WDR44: variants seen among roughly 807,000 people sequenced by gnomAD.
The protein encoded by WDR44 is WD repeat-containing protein 44.
A neutral mutation model predicts 65.7 loss-of-function variants in WDR44; 9 were observed. That is an observed-to-expected ratio of 0.14 (90% CI 0.08 to 0.24). The LOEUF is 0.24. WDR44 is among the 10% of genes least tolerant of loss of function. The pLI, the probability that WDR44 is intolerant of heterozygous loss-of-function variation, is 1.00. For missense variants in WDR44, 425 were observed against 670.9 expected, an observed-to-expected ratio of 0.63 and a Z score of 4.05; for synonymous variants, 220 against 235.2, an observed-to-expected ratio of 0.94 and a Z score of 0.59.
Position 118,360,134 on chromosome X carries a change from TG to T in WDR44, c.77+13556del, listed in dbSNP as rs1382078245. ...TAAAATAGGACTGTGAGAATGAGAG[TG>T]GTACTGTTACAAATTATTTAGGTTT... is the stretch of plus-strand genomic sequence containing the variant. On this transcript the variant is annotated intron_variant, in intron 1 of 19. Transcript: ENST00000254029. Among the ~76,000 whole-genome samples the T allele has an allele frequency of 2.7e-5, 3 of 111,718 alleles. No individual in the cohort carries two copies. In the Admixed American group the frequency reaches 2.9e-4, roughly 11 times the overall value.
chrX:118,389,042 A>G (rs1007223341), intron 3 of WDR44, among the ~76,000 whole-genome samples: 1 of 112,069 alleles, frequency 8.9e-6, no homozygotes, highest in Non-Finnish European at 1.9e-5. Flanking sequence ...ATAACTATCT[A>G]TAGTTAGTGG....
intron 19 of WDR44, among the ~76,000 whole-genome samples, chrX:118,447,564 G>A (rs2057356214): frequency 9.0e-6 from 1 of 110,696 alleles, no homozygotes; most frequent in Non-Finnish European, 1.9e-5. Context: ...TGATAACCTA[G>A]TTTATAGAGT....
chrX:118,443,717 A>G (rs1382213353), intron 18 of WDR44, 30 bp downstream of exon 18: 2 of 1,174,765 alleles, frequency 1.7e-6, no homozygotes, highest in East Asian at 3.0e-5. Context: ...TGTGTGTCTT[A>G]TAAGAGAATC....
intron 1 of WDR44, among the ~76,000 whole-genome samples, chrX:118,358,021 A>T (rs975626275): frequency 2.7e-5 from 3 of 111,838 alleles, no homozygotes; most frequent in Non-Finnish European, 5.6e-5. Context: ...AAGATACAAA[A>T]AATTAGCTGG....
rs182959248 is a variant in WDR44, at chrX:118,362,553, A to C, written c.78-15866A>C. ...TGCTGAGCATTTTTGATAAATGTAC[A>C]TAATACCATACATGTAGTATTTGCA... On this transcript the variant is annotated intron_variant, in intron 1 of 19. Transcript: ENST00000254029. Among the ~76,000 whole-genome samples, 318 of 111,657 alleles carry C rather than the reference A, an allele frequency of 2.8e-3. 2 individuals are homozygous for C. The highest frequency in any genetic ancestry group is 0.01 in the African/African-American group (308 of 30,700).
At chrX:118,434,921 C>A (rs1050803435) in intron 13 of WDR44, among the ~76,000 whole-genome samples, 3 of 111,344 alleles carry the variant, frequency 2.7e-5, no homozygotes, top group Non-Finnish European at 5.6e-5. Flanking sequence ...ATAACAACCC[C>A]GTGAGGTAGA....
intron 5 of WDR44, among the ~76,000 whole-genome samples, chrX:118,394,994 T>C (rs758376088): frequency 8.9e-6 from 1 of 111,844 alleles, no homozygotes; most frequent in African/African-American, 3.2e-5. Flanking sequence ...AAATGCCTTT[T>C]GGCCAGGTTC....
intron 1 of WDR44, among the ~76,000 whole-genome samples, chrX:118,359,352 C>T: frequency 1.8e-5 from 2 of 112,176 alleles, no homozygotes; most frequent in East Asian, 5.6e-4. Context: ...TATTGTTTTA[C>T]TGCAGGTATT....
At chrX:118,368,876 C>T (rs2147674761) in intron 1 of WDR44, among the ~76,000 whole-genome samples, 1 of 106,902 alleles carries the variant, frequency 9.4e-6, no homozygotes, top group East Asian at 3.0e-4. Flanking sequence ...ACCACCACAC[C>T]TGGCTAATTT....
chrX:118,418,653 G>A (rs1323554251), intron 12 of WDR44, among the ~76,000 whole-genome samples: 1 of 111,097 alleles, frequency 9.0e-6, no homozygotes, highest in Non-Finnish European at 1.9e-5. Flanking sequence ...TTTTTGTGCT[G>A]GTTGGCCTTC....
At chrX:118,448,693 T>G (rs1235452637) in intron 19 of WDR44, among the ~76,000 whole-genome samples, 200 bp from the exon 20 acceptor site, 4 of 110,975 alleles carry the variant, frequency 3.6e-5, no homozygotes, top group African/African-American at 9.8e-5. Flanking sequence ...TAAGACAAGG[T>G]AAGTGAAAGT....
chrX:118,396,339 C>CA (rs756438404), intron 6 of WDR44, among the ~76,000 whole-genome samples: 2 of 111,566 alleles, frequency 1.8e-5, no homozygotes, highest in South Asian at 3.7e-4. Context: ...TATGTTCACA[C>CA]AAAAAAATGT....
intron 1 of WDR44, among the ~76,000 whole-genome samples, chrX:118,350,760 T>C (rs962044886): frequency 2.7e-5 from 3 of 111,629 alleles, no homozygotes; most frequent in Admixed American, 1.9e-4. Flanking sequence ...TTCAGCACTC[T>C]TTTTTTTAGT....
At chrX:118,369,208 T>G (rs754159426) in intron 1 of WDR44, among the ~76,000 whole-genome samples, 9 of 110,687 alleles carry the variant, frequency 8.1e-5, no homozygotes, top group Non-Finnish European at 1.5e-4. Context: ...GTCTCACTCT[T>G]TCACCCAGGC....
At chrX:118,442,975 GT>G (rs758523441) in intron 17 of WDR44, among the ~76,000 whole-genome samples, 15 of 110,758 alleles carry the variant, frequency 1.4e-4, no homozygotes, top group Non-Finnish European at 2.1e-4. Context: ...TTGTACCTTT[GT>G]TTACGCTTTT....
In WDR44 at chrX:118,397,888, A is replaced by G. The variant is rs1370173921; in HGVS notation, c.1191-499A>G. 7.1e-5 allele frequency among the ~76,000 whole-genome samples: 8 copies of G among 112,287 alleles called. 1 individual carries two copies. The East Asian group carries it at 1.9e-3, about 27-fold the overall frequency. ...ATGTTGTACATTGAACCTTGCTTAA[A>G]GATTCTTTTCTTCAATTTCTGAAGC... On this transcript the variant is annotated intron_variant, in intron 7 of 19. Transcript: ENST00000254029.
intron 1 of WDR44, among the ~76,000 whole-genome samples, chrX:118,356,726 TTTGTAATAATAGTAA>T (rs1179019403): frequency 1.1e-5 from 1 of 94,301 alleles, no homozygotes; most frequent in African/African-American, 4.3e-5. Context: ...GATTGAACAA[TTTGTAATAATAGTAA>T]AGGGCTTAAA....
intron 1 of WDR44, among the ~76,000 whole-genome samples, chrX:118,350,694 C>T (rs1412435490): frequency 8.9e-6 from 1 of 111,848 alleles, no homozygotes; most frequent in Admixed American, 9.5e-5. Context: ...GTGGTTTATA[C>T]TTACACATAC....
chrX:118,395,108 C>A, intron 5 of WDR44, 141 bp from the exon 6 acceptor site: 1 of 540,603 alleles, frequency 1.8e-6, no homozygotes, highest in Non-Finnish European at 2.9e-6. Context: ...AAATGAAGGA[C>A]TGAAACGTAA....
Sources: allele counts gnomAD v4.1 joint callset (sites outside exome capture counted in the v4.1 genomes callset), GRCh38; gene constraint gnomAD v4.1.1; transcripts MANE v1.5; gene names NCBI Gene and HGNC (gene_info 2026-07-23, HGNC 2026-07-21).